BRWD1: variants seen among roughly 807,000 people sequenced by gnomAD.
The protein encoded by BRWD1 is bromodomain and WD repeat domain containing 1.
A neutral mutation model predicts 251.2 loss-of-function variants in BRWD1; 82 were observed. The ratio of observed to expected loss-of-function variants is 0.33; its 90% confidence interval spans 0.27 to 0.39. BRWD1 has a LOEUF of 0.39. BRWD1 is among the 10% of genes least tolerant of loss of function. The probability of loss-of-function intolerance (pLI) is 1.00; values close to 1 mark genes in which losing one functional copy is unlikely to be tolerated. For missense variants in BRWD1, 2,233 were observed against 2,711.6 expected, an observed-to-expected ratio of 0.82 and a Z score of 3.92; for synonymous variants, 918 against 902.8, an observed-to-expected ratio of 1.02 and a Z score of -0.30.
chr21:39,313,168 C>T, intron 2 of BRWD1, 67 bp from the exon 3 acceptor site: 1 of 1,497,432 alleles, frequency 6.7e-7, no homozygotes, highest in Non-Finnish European at 8.9e-7. Flanking sequence ...CACCCCCGCC[C>T]ACCACCCGCG....
rs1344934162 is a variant in BRWD1, at chr21:39,305,291, A to T, written c.199-6709T>A. ...GAGATTTTAACAAATCTTTCTCAGG[A>T]ATCAATACAGTAAGCTTGCAAAAAT... On this transcript the variant is annotated intron_variant, in intron 4 of 40. Transcript: ENST00000342449. Among the ~76,000 whole-genome samples, 4 of 152,150 alleles carry T rather than the reference A, an allele frequency of 2.6e-5. No homozygotes were observed. The East Asian group carries it at 7.7e-4, about 29-fold the overall frequency.
At chr21:39,240,900 C>CTT (rs71184666) in intron 21 of BRWD1, among the ~76,000 whole-genome samples, 30 of 148,074 alleles carry the variant, frequency 2.0e-4, no homozygotes, top group South Asian at 4.3e-4. Context: ...GTAAGTAAAT[C>CTT]TTTTTTTTTT....
chr21:39,274,877 T>C (rs2035231389), intron 12 of BRWD1, among the ~76,000 whole-genome samples: 1 of 152,000 alleles, frequency 6.6e-6, no homozygotes, highest in African/African-American at 2.4e-5. Context: ...CCGTCTCTAC[T>C]AAAAATACAA....
chr21:39,213,253 G>A (rs897652732), intron 33 of BRWD1, among the ~76,000 whole-genome samples: 13 of 152,080 alleles, frequency 8.5e-5, no homozygotes, highest in African/African-American at 2.7e-4. Flanking sequence ...AATATAGAAA[G>A]AGAATATATT....
chr21:39,307,905 G>A (rs1242493174), intron 4 of BRWD1, among the ~76,000 whole-genome samples: 3 of 152,106 alleles, frequency 2.0e-5, no homozygotes, highest in Non-Finnish European at 2.9e-5. Context: ...TCATTCTATA[G>A]GTATTTCATT....
chr21:39,278,456 A>G (rs1601445183), intron 10 of BRWD1: 1 of 332,588 alleles, frequency 3.0e-6, no homozygotes, highest in African/African-American at 2.1e-5. Flanking sequence ...ACAAATTTAG[A>G]TTATCATACA....
intron 4 of BRWD1, 74 bp from the exon 5 acceptor site, chr21:39,298,656 G>T: frequency 8.1e-7 from 1 of 1,241,124 alleles, no homozygotes. Context: ...GGATAAGTCT[G>T]GCAAAATGTG....
chr21:39,297,031 T>C, intron 5 of BRWD1: 1 of 985,240 alleles, frequency 1.0e-6, no homozygotes, highest in Non-Finnish European at 1.2e-6. Context: ...TCACAGAAAA[T>C]CCTCTACTGA....
intron 27 of BRWD1, among the ~76,000 whole-genome samples, chr21:39,226,697 C>A (rs188609505): frequency 9.2e-5 from 14 of 152,276 alleles, no homozygotes; most frequent in African/African-American, 3.4e-4. Context: ...CCAAAATAAT[C>A]TTGATTACTT....
intron 8 of BRWD1, among the ~76,000 whole-genome samples, chr21:39,291,170 T>A (rs998484981): frequency 2.0e-5 from 3 of 152,308 alleles, no homozygotes. Flanking sequence ...AAATAGCTAC[T>A]CACTCTCTTT....
chr21:39,313,645 C>T (rs1377076458), upstream of BRWD1: 3 of 498,448 alleles, frequency 6.0e-6, no homozygotes, highest in East Asian at 1.3e-4. Flanking sequence ...ACCGACGCCT[C>T]CGCGGGGGAG....
At chr21:39,273,254 T>C (rs968138041) in intron 13 of BRWD1, among the ~76,000 whole-genome samples, 2 of 152,210 alleles carry the variant, frequency 1.3e-5, no homozygotes, top group Admixed American at 1.3e-4. Flanking sequence ...ATTCCCTTTA[T>C]TTCAACTAAT....
Position 39,312,894 on chromosome 21 carries a change from G to T in BRWD1, c.145C>A (p.Pro49Thr). The change falls in exon 4 of 41, where the codon CCG (proline) becomes ACG (threonine). Residue 49 changes from proline (P) to threonine (T), a missense_variant. Pro to Thr is a conservative substitution (Grantham distance 38). This residue lies in a region of BRWD1 where 101 missense variants were observed against 95.6 expected (regional missense o/e 1.06). Transcript: ENST00000342449. ...VQELEQYQLL[P>T]KRLDWEGNEH... Reference sequence around the variant, plus strand: ...TTGCCCTCCCAGTCCAATCTCTTCGGCAACAACTGGAAAGACACGAAACGC... The same window carrying T: ...TTGCCCTCCCAGTCCAATCTCTTCGTCAACAACTGGAAAGACACGAAACGC... 6.6e-7 allele frequency: 1 copy of T among 1,517,012 alleles called. No individual in the cohort carries two copies. Among genetic ancestry groups the T allele is most frequent in the Non-Finnish European group, 8.9e-7 (1 of 1,128,854 alleles). 94.0% of individuals were successfully genotyped at this position (1,517,012 alleles called of 1,614,324 possible).
chr21:39,312,432 G>A (rs190353599), intron 4 of BRWD1: 43 of 166,340 alleles, frequency 2.6e-4, no homozygotes, highest in Non-Finnish European at 3.8e-4. Context: ...GGGAACAAGT[G>A]GGGGGACAGA....
At chr21:39,232,323 T>C in intron 24 of BRWD1, 39 bp from the exon 25 acceptor site, 1 of 1,605,100 alleles carries the variant, frequency 6.2e-7, no homozygotes, top group South Asian at 1.1e-5. Flanking sequence ...TTAAGAGCAA[T>C]ATAAACTTTA....
intron 4 of BRWD1, chr21:39,312,588 T>C (rs2036526226): frequency 2.8e-6 from 1 of 354,122 alleles, no homozygotes; most frequent in Non-Finnish European, 5.3e-6. Context: ...GCCCCACCCC[T>C]GCCGCAGGAC....
chr21:39,211,027 A>C, intron 34 of BRWD1, 98 bp from the exon 35 acceptor site: 1 of 1,183,526 alleles, frequency 8.4e-7, no homozygotes, highest in Non-Finnish European at 1.2e-6. Flanking sequence ...AAATACAATA[A>C]TGTCATATAT....
chr21:39,227,831 G>A (rs1432834163), intron 27 of BRWD1, among the ~76,000 whole-genome samples: 1 of 152,094 alleles, frequency 6.6e-6, no homozygotes, highest in Non-Finnish European at 1.5e-5. Flanking sequence ...TAGTATAATT[G>A]TGTAAATTAT....
At chr21:39,224,734 A>C (rs1213465062) in intron 28 of BRWD1, among the ~76,000 whole-genome samples, 1 of 152,202 alleles carries the variant, frequency 6.6e-6, no homozygotes, top group African/African-American at 2.4e-5. Context: ...CTACAGCCAC[A>C]GTCAATGGTT....
Sources: gnomAD v4.1 joint callset for allele counts (sites outside exome capture counted in the v4.1 genomes callset) on GRCh38, gnomAD v4.1.1 for gene constraint, gnomAD v4.1.1 regional missense constraint, MANE v1.5 for transcripts, NCBI Gene and HGNC (gene_info 2026-07-23, HGNC 2026-07-21) for gene names.